The following UNC5D variants were observed in gnomAD, a reference collection of about 807,000 sequenced individuals.
The protein encoded by UNC5D is unc-5 netrin receptor D.
A neutral mutation model predicts 105.4 loss-of-function variants in UNC5D; 39 were observed. The ratio of observed to expected loss-of-function variants is 0.37; its 90% CI spans 0.29 to 0.48. The LOEUF (loss-of-function observed/expected upper bound fraction) is 0.48, where lower values mean the gene tolerates loss of function less well. UNC5D is among the 20% of genes least tolerant of loss of function. The probability of loss-of-function intolerance (pLI) is 0.98; values close to 1 mark genes in which losing one functional copy is unlikely to be tolerated. For synonymous variants in UNC5D, 452 were observed against 450.4 expected (o/e 1.00, Z -0.04); for missense variants, 991 against 1,202.4 (o/e 0.82, Z 2.60).
At chr8:35,596,885 T>A (rs550933212) in intron 4 of UNC5D, among the ~76,000 whole-genome samples, 1 of 152,294 alleles carries the variant, frequency 6.6e-6, no homozygotes, top group South Asian at 2.1e-4. Context: ...AGCTTGACTT[T>A]TCCCTTTAGC....
chr8:35,385,532 C>T (rs1165500841), intron 1 of UNC5D, among the ~76,000 whole-genome samples: 2 of 142,286 alleles, frequency 1.4e-5, no homozygotes, highest in Non-Finnish European at 3.0e-5. Flanking sequence ...GTGGTGCAAT[C>T]TCCGCTCACT....
intron 8 of UNC5D, among the ~76,000 whole-genome samples, chr8:35,709,371 T>G (rs1827795901): frequency 6.6e-6 from 1 of 152,084 alleles, no homozygotes. Context: ...TGCTTTTTGA[T>G]GTAAAGTGTT....
At chr8:35,649,601 A>C (rs1446199980) in intron 4 of UNC5D, among the ~76,000 whole-genome samples, 1 of 152,202 alleles carries the variant, frequency 6.6e-6, no homozygotes, top group Admixed American at 6.5e-5. Context: ...CTGACCGTGG[A>C]GAAACCTGGA....
chr8:35,305,489 A>C (rs1808266772), intron 1 of UNC5D, among the ~76,000 whole-genome samples: 2 of 152,072 alleles, frequency 1.3e-5, no homozygotes, highest in African/African-American at 4.8e-5. Flanking sequence ...ATACCATAGA[A>C]TTGTGTGTGA....
At chr8:35,329,519 C>T (rs1810444954) in intron 1 of UNC5D, among the ~76,000 whole-genome samples, 1 of 151,872 alleles carries the variant, frequency 6.6e-6, no homozygotes. Context: ...TAGACAAGCA[C>T]CAGGAAAATG....
rs1030952852 is a variant in UNC5D at position 35,790,962 on chromosome 8, G to C, written c.*399G>C. The stretch of plus-strand genomic sequence containing the variant: ...AAAGGGCCAGCTGATTCTGGTACTA[G>C]ATTGTCAGAGTTTTCTACCAACTGG... On this transcript the variant is annotated 3_prime_UTR_variant, in exon 17 of 17. Transcript: ENST00000404895. 6 of 198,416 alleles carry C rather than the reference G, an allele frequency of 3.0e-5. 1 individual carries two copies. Among genetic ancestry groups the C allele is most frequent in the Admixed American group, 5.3e-5 (1 of 19,010 alleles). 12.3% of individuals were successfully genotyped at this position (198,416 alleles called of 1,614,324 possible). A position where few individuals can be genotyped will look rare whatever the true frequency, so the allele number is the denominator to read the frequency against.
At chr8:35,783,701 A>G (rs1469645090) in intron 16 of UNC5D, among the ~76,000 whole-genome samples, 8 of 152,184 alleles carry the variant, frequency 5.3e-5, no homozygotes, top group African/African-American at 1.9e-4. Context: ...TTGCATTTGA[A>G]TACTCAGGGA....
At chr8:35,455,832 TACTC>T (rs1463354144) in intron 1 of UNC5D, among the ~76,000 whole-genome samples, 4 of 152,142 alleles carry the variant, frequency 2.6e-5, no homozygotes, top group South Asian at 2.1e-4. Flanking sequence ...TCATGAGACT[TACTC>T]ACTACCACAA....
intron 1 of UNC5D, among the ~76,000 whole-genome samples, chr8:35,497,652 GAA>G (rs76646347): frequency 5.6e-5 from 8 of 142,892 alleles, no homozygotes; most frequent in South Asian, 2.3e-4. Flanking sequence ...GAGCATGGAT[GAA>G]AAAAAAAAAA....
intron 1 of UNC5D, among the ~76,000 whole-genome samples, chr8:35,361,455 A>G (rs1353185987): frequency 2.0e-5 from 3 of 152,182 alleles, no homozygotes; most frequent in African/African-American, 7.2e-5. Context: ...TTCAGGACAA[A>G]AGTCGCAAAA....
intron 7 of UNC5D, among the ~76,000 whole-genome samples, chr8:35,700,891 G>A (rs1275169374): frequency 6.6e-6 from 1 of 152,196 alleles, no homozygotes; most frequent in African/African-American, 2.4e-5. Flanking sequence ...AAATAAGCCA[G>A]AGAATAGATA....
intron 1 of UNC5D, among the ~76,000 whole-genome samples, chr8:35,503,472 A>C (rs1170087755): frequency 6.6e-6 from 1 of 152,162 alleles, no homozygotes; most frequent in Non-Finnish European, 1.5e-5. Context: ...ATCTCCCACC[A>C]GGTCCCTCCC....
chr8:35,562,899 A>C (rs28748085), intron 2 of UNC5D, among the ~76,000 whole-genome samples: 33,892 of 151,804 alleles, frequency 0.22, 5,787 homozygotes, highest in African/African-American at 0.47. Flanking sequence ...TGTCCTGGAG[A>C]GTTTCTTCAA....
chr8:35,767,143 G>A (rs138790083), intron 15 of UNC5D, 77 bp downstream of exon 15: 56 of 1,461,038 alleles, frequency 3.8e-5, no homozygotes, highest in South Asian at 1.6e-4. Context: ...CCTACCAGCC[G>A]TGCTATTCAG....
intron 1 of UNC5D, chr8:35,525,329 T>C: frequency 6.2e-7 from 1 of 1,612,190 alleles, no homozygotes; most frequent in Non-Finnish European, 8.5e-7. Context: ...CCACTTGATA[T>C]GGGGGTGTAA....
chr8:35,393,886 T>A (rs1383326657), intron 1 of UNC5D, among the ~76,000 whole-genome samples: 1 of 152,236 alleles, frequency 6.6e-6, no homozygotes, highest in African/African-American at 2.4e-5. Flanking sequence ...CACTTTTGTG[T>A]GGCTGAAAGA....
At chr8:35,480,169 C>T (rs1439150) in intron 1 of UNC5D, among the ~76,000 whole-genome samples, 22,820 of 152,072 alleles carry the variant, frequency 0.15, 2,178 homozygotes, top group East Asian at 0.27. Flanking sequence ...TATCACCTTT[C>T]TAGAACATAA....
chr8:35,518,124 AAAAG>A (rs1224755609), intron 1 of UNC5D, among the ~76,000 whole-genome samples: 1 of 152,208 alleles, frequency 6.6e-6, no homozygotes, highest in African/African-American at 2.4e-5. Context: ...TACTGAAAAA[AAAAG>A]CACTTGTGTA....
intron 2 of UNC5D, among the ~76,000 whole-genome samples, chr8:35,558,951 C>T (rs1816739647): frequency 6.6e-6 from 1 of 151,938 alleles, no homozygotes; most frequent in South Asian, 2.1e-4. Context: ...CACTGTACTC[C>T]AGCTTGGGCA....
Sources: gnomAD v4.1 joint callset for allele counts (sites outside exome capture counted in the v4.1 genomes callset) on GRCh38, gnomAD v4.1.1 for gene constraint, MANE v1.5 for transcripts, NCBI Gene and HGNC (gene_info 2026-07-23, HGNC 2026-07-21) for gene names.